Variants in FGD4 observed in about 807,000 individuals in gnomAD.
FGD4 encodes the protein FYVE, RhoGEF and PH domain containing 4, also known as FYVE, RhoGEF and PH domain-containing protein 4.
In FGD4, 42 loss-of-function variants were observed where a neutral mutation model predicts 102.0. That is an observed-to-expected ratio of 0.41 (90% confidence interval 0.32 to 0.53). The LOEUF (loss-of-function observed/expected upper bound fraction) is 0.53. Ranked by LOEUF, FGD4 falls within the 20% of genes least tolerant of loss-of-function variation. FGD4 has a pLI of 0.21. For missense variants in FGD4, 902 were observed against 1,078.2 expected, an observed-to-expected ratio of 0.84 and a Z score of 2.29; for synonymous variants, 380 against 375.7, an observed-to-expected ratio of 1.01 and a Z score of -0.13.
chr12:32,490,002 T>C (rs1282070127), intron 1 of FGD4, among the ~76,000 whole-genome samples: 2 of 152,214 alleles, frequency 1.3e-5, no homozygotes, highest in Admixed American at 1.3e-4. Context: ...GGTAGGTCTC[T>C]GTATCCTGTT....
chr12:32,563,238 C>T (rs1944819143), intron 1 of FGD4, among the ~76,000 whole-genome samples: 2 of 151,624 alleles, frequency 1.3e-5, no homozygotes, highest in South Asian at 4.3e-4. Context: ...CTCCTCACTT[C>T]TCAGACGGGG....
rs1444363843 is a variant in FGD4 at position 32,417,822 on chromosome 12, A to G, written c.166+17863A>G. 2.6e-5 allele frequency among the ~76,000 whole-genome samples: 4 copies of G among 151,962 alleles called. No homozygotes were observed. In the South Asian group the frequency reaches 6.2e-4, roughly 24 times the overall value. On this transcript the variant is annotated intron_variant, in intron 1 of 16. Coordinates refer to ENST00000534526, the MANE Select transcript of FGD4 (RefSeq NM_001370298.3). Reference sequence around the variant, plus strand: ...TCAGTCTCTTTGTTACATTTATCTGATAGAATTATCAATTCCTTCTCTGTG... The same window carrying G: ...TCAGTCTCTTTGTTACATTTATCTGGTAGAATTATCAATTCCTTCTCTGTG...
intron 1 of FGD4, among the ~76,000 whole-genome samples, chr12:32,523,700 T>C (rs1467036331): frequency 6.6e-6 from 1 of 152,198 alleles, no homozygotes; most frequent in African/African-American, 2.4e-5. Flanking sequence ...CTGGGCCGGG[T>C]GCGGTGGCTC....
At chr12:32,625,852 C>T in intron 14 of FGD4, 73 bp downstream of exon 14, 1 of 1,591,052 alleles carries the variant, frequency 6.3e-7, no homozygotes, top group Non-Finnish European at 8.6e-7. Context: ...ACTAGGGACA[C>T]ACAAAAAAAT....
At chr12:32,563,144 A>AC (rs1391906367) in intron 1 of FGD4, among the ~76,000 whole-genome samples, 3 of 147,572 alleles carry the variant, frequency 2.0e-5, no homozygotes, top group East Asian at 2.0e-4. Flanking sequence ...GCGGGGGCTG[A>AC]CCCCCACCTC....
intron 1 of FGD4, among the ~76,000 whole-genome samples, chr12:32,477,638 AT>A (rs975344571): frequency 6.6e-6 from 1 of 152,040 alleles, no homozygotes; most frequent in African/African-American, 2.4e-5. Flanking sequence ...TGAACGGTGT[AT>A]TTTTTTTAAA....
At chr12:32,534,221 C>G (rs767922758) in intron 1 of FGD4, 229 of 1,020,902 alleles carry the variant, frequency 2.2e-4, no homozygotes, top group Non-Finnish European at 2.7e-4. Flanking sequence ...CATACACTCC[C>G]TCTCATGCAA....
chr12:32,571,623 T>G lies in FGD4; in HGVS notation c.320-4643T>G, dbSNP rs115643566. Among the ~76,000 whole-genome samples the G allele has an allele frequency of 6.4e-3, 971 of 152,138 alleles. 8 individuals are homozygous for G. Among genetic ancestry groups the G allele is most frequent in the African/African-American group, 0.022 (894 of 41,494 alleles). On this transcript the variant is annotated intron_variant, in intron 2 of 16. Coordinates refer to ENST00000534526, the MANE Select transcript of FGD4 (RefSeq NM_001370298.3). ...TATAAAACAAAATGACAAATGTTAGTTGAGAAGATATTTGAAGATTTTTGA... is the reference window on the plus strand; with the variant it reads ...TATAAAACAAAATGACAAATGTTAGGTGAGAAGATATTTGAAGATTTTTGA...
chr12:32,596,764 C>T (rs903928929), intron 4 of FGD4, among the ~76,000 whole-genome samples: 3 of 151,890 alleles, frequency 2.0e-5, no homozygotes, highest in South Asian at 4.2e-4. Context: ...GGAGAAACCT[C>T]GTCTCTGCTA....
intron 10 of FGD4, among the ~76,000 whole-genome samples, chr12:32,618,607 G>C (rs185028670): frequency 6.6e-6 from 1 of 152,156 alleles, no homozygotes; most frequent in Admixed American, 6.5e-5. Context: ...TGAGGTGAGA[G>C]TATTATTTGA....
At position 32,641,453 on chromosome 12, in the gene FGD4, T is replaced by C. The variant is rs1454693109; in HGVS notation, c.*920T>C. On this transcript the variant is annotated 3_prime_UTR_variant, in exon 17 of 17. Transcript: ENST00000534526. ...AGGTGCTATTAATATAAGATGAGGG[T>C]TCAGTTAATGCTTCAGTCTTGATTA... 1 of 152,154 alleles carries C rather than the reference T, an allele frequency of 6.6e-6. No homozygotes were observed. Among genetic ancestry groups the C allele is most frequent in the Non-Finnish European group, 1.5e-5 (1 of 68,024 alleles). The allele number at this position is 152,154 out of a possible 1,614,324, so 9.4% of individuals were successfully genotyped here. A position where few individuals can be genotyped will look rare whatever the true frequency, so the allele number is the denominator to read the frequency against.
chr12:32,531,222 T>C, intron 1 of FGD4, among the ~76,000 whole-genome samples: 1 of 152,076 alleles, frequency 6.6e-6, no homozygotes, highest in Non-Finnish European at 1.5e-5. Flanking sequence ...GTGCTGGGAT[T>C]ATAGCTGTGA....
At chr12:32,468,889 C>T (rs1004471769) in intron 1 of FGD4, among the ~76,000 whole-genome samples, 25 of 152,092 alleles carry the variant, frequency 1.6e-4, no homozygotes, top group Admixed American at 5.2e-4. Context: ...TGCAATGGCA[C>T]GATCTCAGCT....
At chr12:32,470,414 C>T in intron 1 of FGD4, among the ~76,000 whole-genome samples, 1 of 151,736 alleles carries the variant, frequency 6.6e-6, no homozygotes, top group East Asian at 1.9e-4. Flanking sequence ...TTCAGAAGAA[C>T]TGCTTTCTTA....
rs1461553249 is a variant in FGD4, at chr12:32,616,393, C to T, written c.1750-3305C>T. Among the ~76,000 whole-genome samples the T allele has an allele frequency of 3.3e-5, 5 of 152,176 alleles. No individual in the cohort carries two copies. In the East Asian group the frequency reaches 5.8e-4, roughly 18 times the overall value. On this transcript the variant is annotated intron_variant, in intron 10 of 16. Transcript: ENST00000534526. ...TTACTTTAAGCCATCAAACATATGC[C>T]GTTGCCTCCCAGGAGAATGAGGTCA... is the stretch of plus-strand genomic sequence containing the variant.
Position 32,582,258 on chromosome 12 carries a change from G to GA in FGD4, c.805dup (p.Arg269LysfsTer3). On this transcript the variant is annotated frameshift_variant, in exon 4 of 17. Coordinates refer to ENST00000534526, the MANE Select transcript of FGD4 (RefSeq NM_001370298.3). LOFTEE classifies it high-confidence loss of function. ...GCTTGATACGCACATAGTGAATGGA[G>GA]AAAGAGATGAAACTGCCACAGCTCC... The GA allele has an allele frequency of 6.2e-7, 1 of 1,614,238 alleles. No homozygotes were observed. Among genetic ancestry groups the GA allele is most frequent in the Non-Finnish European group, 8.5e-7 (1 of 1,180,052 alleles).
At position 32,633,709 on chromosome 12, in the gene FGD4, G is replaced by A; in HGVS notation, c.2313+20G>A. The A allele has an allele frequency of 3.8e-6, 6 of 1,575,260 alleles. No individual in the cohort carries two copies. Among genetic ancestry groups the A allele is most frequent in the African/African-American group, 1.3e-5 (1 of 74,124 alleles). On this transcript the variant is annotated intron_variant, in intron 15 of 16. Transcript: ENST00000534526. ...TTAGAGGTAAGAAATATTAAATATT[G>A]GATATCTTTTAGATTATTTTTTTCC...
intron 1 of FGD4, among the ~76,000 whole-genome samples, chr12:32,419,934 G>C (rs1941568663): frequency 6.6e-6 from 1 of 152,222 alleles, no homozygotes; most frequent in African/African-American, 2.4e-5. Context: ...GCCACTGCTG[G>C]GAGAAGGGGG....
intron 1 of FGD4, among the ~76,000 whole-genome samples, chr12:32,413,354 G>C (rs966346381): frequency 3.9e-5 from 6 of 152,174 alleles, no homozygotes; most frequent in African/African-American, 1.4e-4. Context: ...TCTGCAGAAA[G>C]TTGGCTAACA....
Sources: gnomAD v4.1 joint callset for allele counts (sites outside exome capture counted in the v4.1 genomes callset) on GRCh38, gnomAD v4.1.1 for gene constraint, MANE v1.5 for transcripts, NCBI Gene and HGNC (gene_info 2026-07-23, HGNC 2026-07-21) for gene names.